NOP14: variants seen among roughly 807,000 people sequenced by gnomAD.
NOP14 encodes NOP14 nucleolar protein.
NOP14 carries 57 observed loss-of-function variants against 101.6 expected under a neutral mutation model. That is an observed-to-expected ratio of 0.56 (90% confidence interval 0.45 to 0.70). The LOEUF is 0.70. NOP14 is among the 30% of genes least tolerant of loss of function. The probability of loss-of-function intolerance (pLI) is 0.00; values close to 1 mark genes in which losing one functional copy is unlikely to be tolerated. For synonymous variants in NOP14, 428 were observed against 424.0 expected (o/e 1.01, Z -0.12); for missense variants, 1,134 against 1,075.5 (o/e 1.05, Z -0.76).
intron 9 of NOP14, among the ~76,000 whole-genome samples, 161 bp downstream of exon 9, chr4:2,948,117 T>G (rs761618287): frequency 3.3e-5 from 5 of 152,216 alleles, no homozygotes; most frequent in Non-Finnish European, 7.3e-5. Flanking sequence ...GCCGGTGCCA[T>G]ACCAAGTACT....
rs1300928650 is a variant in NOP14 at position 2,951,094 on chromosome 4, A to G, written c.1002+20T>C. 1.3e-6 allele frequency: 2 copies of G among 1,571,654 alleles called. No individual in the cohort carries two copies. The highest frequency in any genetic ancestry group is 1.2e-5 in the South Asian group (1 of 85,232). On this transcript the variant is annotated intron_variant, in intron 7 of 17. Transcript: ENST00000416614. ...ATTAAAAAAAGAGAGAGAAAGAGAA[A>G]ATGAAGGCAAACATCTTACTTTGTA...
At chr4:2,959,314 C>T (rs747312328) in intron 1 of NOP14, among the ~76,000 whole-genome samples, 3 of 152,156 alleles carry the variant, frequency 2.0e-5, no homozygotes, top group African/African-American at 2.4e-5. Context: ...CCTTTGGGGC[C>T]GGGCGCGGTG....
At chr4:2,956,535 G>T in intron 3 of NOP14, 135 bp downstream of exon 3, 1 of 825,616 alleles carries the variant, frequency 1.2e-6, no homozygotes, top group Non-Finnish European at 1.8e-6. Flanking sequence ...TGTGAAATTT[G>T]TAGAGAGGTT....
chr4:2,958,855 T>G (rs1715517248), intron 1 of NOP14, among the ~76,000 whole-genome samples: 1 of 152,046 alleles, frequency 6.6e-6, no homozygotes, highest in Non-Finnish European at 1.5e-5. Flanking sequence ...AACCCAGATT[T>G]AAGGTCAAAA....
chr4:2,957,165 C>G (rs1182920347), intron 2 of NOP14, among the ~76,000 whole-genome samples: 2 of 152,154 alleles, frequency 1.3e-5, no homozygotes, highest in African/African-American at 4.8e-5. Flanking sequence ...CCACGCCTGG[C>G]TAATTTTTGT....
intron 2 of NOP14, among the ~76,000 whole-genome samples, chr4:2,957,381 C>G (rs1042514014): frequency 6.6e-6 from 1 of 152,232 alleles, no homozygotes; most frequent in Non-Finnish European, 1.5e-5. Context: ...CCTGTGCACA[C>G]TGCTGCCGTG....
At chr4:2,948,641 G>A (rs1714818196) in intron 8 of NOP14, among the ~76,000 whole-genome samples, 1 of 152,132 alleles carries the variant, frequency 6.6e-6, no homozygotes, top group Non-Finnish European at 1.5e-5. Flanking sequence ...TTTCAGTAGA[G>A]ACAGGGCTTC....
At chr4:2,946,598 A>T in intron 10 of NOP14, 51 bp from the exon 11 acceptor site, 1 of 1,589,734 alleles carries the variant, frequency 6.3e-7, no homozygotes, top group Non-Finnish European at 8.6e-7. Flanking sequence ...GATAAGAAAC[A>T]CAGAAAAGCC....
chr4:2,945,029 A>T, intron 12 of NOP14, 99 bp downstream of exon 12: 1 of 812,484 alleles, frequency 1.2e-6, no homozygotes, highest in Non-Finnish European at 2.0e-6. Context: ...TGCAGCCCTT[A>T]AACAGCCACA....
rs757575323 is a variant in NOP14, at chr4:2,963,108, G to A, written c.195+17C>T. On this transcript the variant is annotated intron_variant, in intron 1 of 17. Transcript: ENST00000416614. ...TCCAGATCCTGCCTTCCGGCTCCCC[G>A]TGCGCCCCCCGCTTACCTTCCTGAG... 3 of 1,523,956 alleles carry A rather than the reference G, an allele frequency of 2.0e-6. No homozygotes were observed. The highest frequency in any genetic ancestry group is 2.6e-5 in the East Asian group (1 of 38,218). 94.4% of individuals were successfully genotyped at this position (1,523,956 alleles called of 1,614,324 possible).
At chr4:2,960,789 CATTAAT>C (rs71180106) in intron 1 of NOP14, among the ~76,000 whole-genome samples, 80 of 94,902 alleles carry the variant, frequency 8.4e-4, no homozygotes, top group African/African-American at 1.5e-3. Flanking sequence ...ATTATAATCA[CATTAAT>C]ATTAATATAT....
At chr4:2,961,169 T>A (rs1253025719) in intron 1 of NOP14, among the ~76,000 whole-genome samples, 1 of 46,392 alleles carries the variant, frequency 2.2e-5, no homozygotes, top group Non-Finnish European at 3.6e-5. Context: ...ATTAATATGC[T>A]ATTACAATAA....
chr4:2,943,614 A>C (rs780957807), intron 13 of NOP14, among the ~76,000 whole-genome samples: 41 of 152,254 alleles, frequency 2.7e-4, no homozygotes, highest in Admixed American at 6.5e-5. Flanking sequence ...GAGAAGCGAC[A>C]CAGCAGCGCG....
chr4:2,957,847 TCAAAGTTC>T, intron 1 of NOP14, 107 bp from the exon 2 acceptor site: 1 of 1,145,664 alleles, frequency 8.7e-7, no homozygotes, highest in South Asian at 1.8e-5. Context: ...CACAGTGATG[TCAAAGTTC>T]ACACCCAATC....
intron 1 of NOP14, among the ~76,000 whole-genome samples, chr4:2,961,197 A>G (rs1320312653): frequency 5.3e-3 from 3 of 570 alleles, no homozygotes; most frequent in Non-Finnish European, 7.7e-3. Context: ...ATATGCTAAT[A>G]TTATAATAAT....
intron 1 of NOP14, 68 bp downstream of exon 1, chr4:2,963,057 C>A (rs1716232806): frequency 7.0e-6 from 10 of 1,433,574 alleles, no homozygotes; most frequent in Non-Finnish European, 9.2e-6. Flanking sequence ...CCGAGAAGGA[C>A]GCAGCCGGCC....
intron 3 of NOP14, among the ~76,000 whole-genome samples, chr4:2,955,113 CTGCG>C (rs1715258348): frequency 6.9e-6 from 1 of 144,898 alleles, no homozygotes; most frequent in Non-Finnish European, 1.5e-5. Context: ...CTCTAGTCAC[CTGCG>C]CCACAGCGCC....
Position 2,942,183 on chromosome 4 carries a change from C to T in NOP14, c.2051+9G>A, listed in dbSNP as rs758688143. ...GGCACAGGCCCCAAAGCGGGGTCCC[C>T]TCACATACCGGATGTGATTGGCCTC... On this transcript the variant is annotated intron_variant, in intron 14 of 17. Transcript: ENST00000416614. The T allele has an allele frequency of 1.9e-6, 3 of 1,612,308 alleles. No individual in the cohort carries two copies. Among genetic ancestry groups the T allele is most frequent in the African/African-American group, 1.3e-5 (1 of 74,934 alleles).
rs201732207 is a variant in NOP14, at chr4:2,948,289, C to G, written c.1402G>C (p.Ala468Pro). 28 of 1,601,698 alleles carry G rather than the reference C, an allele frequency of 1.7e-5. No individual in the cohort carries two copies. Among genetic ancestry groups the G allele is most frequent in the Non-Finnish European group, 2.4e-5 (28 of 1,176,736 alleles). Reference protein sequence around the residue: ...NHPSLAEGNKAKLEKLFGFLL... With the variant: ...NHPSLAEGNKPKLEKLFGFLL... ...CTCAATCCACGTACTTCTAATTTTG[C>G]TTTGTTTCCTTCTGCGAGACTCGGG... The change falls in exon 9 of 18, where the codon GCA becomes CCA. Residue 468 changes from alanine to proline, a missense_variant. By Grantham distance (27) the Ala-to-Pro change is conservative (BLOSUM62 -1). Coordinates refer to ENST00000416614, the MANE Select transcript of NOP14 (RefSeq NM_001291978.2).
Sources: gnomAD v4.1 joint callset for allele counts (sites outside exome capture counted in the v4.1 genomes callset) on GRCh38, gnomAD v4.1.1 for gene constraint, MANE v1.5 for transcripts, NCBI Gene and HGNC (gene_info 2026-07-23, HGNC 2026-07-21) for gene names.